Variants in ERBB2 observed in about 807,000 individuals in gnomAD.
ERBB2 encodes receptor tyrosine-protein kinase erbB-2.
ERBB2 carries 61 observed loss-of-function variants against 149.0 expected under a neutral mutation model. That is an observed-to-expected ratio of 0.41 (90% CI 0.33 to 0.51). The LOEUF (loss-of-function observed/expected upper bound fraction) is 0.51, where lower values mean the gene tolerates loss of function less well. Among genes scored for constraint, ERBB2 ranks in the 20% least tolerant of loss-of-function variants. The probability of loss-of-function intolerance (pLI) is 0.25; values close to 1 mark genes in which losing one functional copy is unlikely to be tolerated. For synonymous variants in ERBB2, 633 were observed against 678.8 expected (o/e 0.93, Z 1.05); for missense variants, 1,205 against 1,655.1 (o/e 0.73, Z 4.72).
In ERBB2 at chr17:39,719,683, G is replaced by A. The variant is rs2059343581; in HGVS notation, c.1899-104G>A. 18 of 1,156,790 alleles carry A rather than the reference G, an allele frequency of 1.6e-5. No homozygotes were observed. The East Asian group carries it at 2.8e-4, about 18-fold the overall frequency. The allele number at this position is 1,156,790 out of a possible 1,614,324, so 71.7% of individuals were successfully genotyped here. A position where few individuals can be genotyped will look rare whatever the true frequency, so the allele number is the denominator to read the frequency against. On this transcript the variant is annotated intron_variant, in intron 15 of 26. Coordinates refer to ENST00000269571, the MANE Select transcript of ERBB2 (RefSeq NM_004448.4). ...CCAGTTTCTGCCTTTGTCAAATGGG[G>A]ATAATGACCCAGCCACACCCCTCCC...
Position 39,700,168 on chromosome 17 carries a change from AGCACCCC to A in ERBB2, c.-68_-62del. ...CGCGCGCCCGGCCCCCACCCCTCGC[AGCACCCC>A]GCGCCCCGCGCCCTCCCAGCCGGGT... is the stretch of plus-strand genomic sequence containing the variant. On this transcript the variant is annotated 5_prime_UTR_variant, in exon 1 of 27. Coordinates refer to ENST00000269571, the MANE Select transcript of ERBB2 (RefSeq NM_004448.4). 1.5e-6 allele frequency: 2 copies of A among 1,340,942 alleles called. No homozygotes were observed. The highest frequency in any genetic ancestry group is 9.5e-7 in the Non-Finnish European group (1 of 1,054,090). 83.1% of individuals were successfully genotyped at this position (1,340,942 alleles called of 1,614,324 possible). A position where few individuals can be genotyped will look rare whatever the true frequency, so the allele number is the denominator to read the frequency against.
rs1175779427 is a variant in ERBB2 at position 39,728,652 on chromosome 17, G to C, written c.*608G>C. ...TTTGTCCATTTGCAAATATATTTTGGAAAACAGCTAGGCACCGGCCTATGT... is the reference window on the plus strand; with the variant it reads ...TTTGTCCATTTGCAAATATATTTTGCAAAACAGCTAGGCACCGGCCTATGT... On this transcript the variant is annotated 3_prime_UTR_variant, in exon 27 of 27. Transcript: ENST00000269571. 1.3e-5 allele frequency: 3 copies of C among 232,596 alleles called. No individual in the cohort carries two copies. The highest frequency in any genetic ancestry group is 6.6e-5 in the African/African-American group (3 of 45,234). 14.4% of individuals were successfully genotyped at this position (232,596 alleles called of 1,614,324 possible). A position where few individuals can be genotyped will look rare whatever the true frequency, so the allele number is the denominator to read the frequency against.
intron 19 of ERBB2, 35 bp from the exon 20 acceptor site, chr17:39,724,691 T>A (rs2145844924): frequency 6.3e-7 from 1 of 1,588,668 alleles, no homozygotes. Flanking sequence ...GGGTGTGTGG[T>A]CTCCCATACC....
At chr17:39,719,744 A>G in intron 15 of ERBB2, 43 bp from the exon 16 acceptor site, 3 of 1,604,478 alleles carry the variant, frequency 1.9e-6, no homozygotes, top group Non-Finnish European at 2.6e-6. Flanking sequence ...GGTTCCCAAG[A>G]GGGTGGTTCC....
intron 1 of ERBB2, among the ~76,000 whole-genome samples, chr17:39,702,259 A>C (rs2058154285): frequency 6.6e-6 from 1 of 152,178 alleles, no homozygotes; most frequent in Admixed American, 6.5e-5. Context: ...TGTGATTGCA[A>C]ATGCTCTCCA....
upstream of ERBB2, chr17:39,688,095 T>A: frequency 8.2e-7 from 1 of 1,218,016 alleles, no homozygotes; most frequent in African/African-American, 1.6e-5. Flanking sequence ...AGTTCCTGTG[T>A]TCTTTATTCT....
chr17:39,713,669 C>T (rs1011398452), intron 9 of ERBB2, among the ~76,000 whole-genome samples: 1 of 151,260 alleles, frequency 6.6e-6, no homozygotes, highest in Non-Finnish European at 1.5e-5. Flanking sequence ...AGGAGAATTG[C>T]ATGAACTCGG....
At chr17:39,711,811 G>A (rs2058813422) in intron 7 of ERBB2, 117 bp from the exon 8 acceptor site, 1 of 1,222,396 alleles carries the variant, frequency 8.2e-7, no homozygotes, top group Admixed American at 1.8e-5. Context: ...GCTGATGCGT[G>A]GTAGGGCATT....
rs2145639414 is a variant in ERBB2 at position 39,715,482 on chromosome 17, C to G, written c.1259C>G (p.Pro420Arg). ...ATCTCAGCATGGCCGGACAGCCTGCCTGACCTCAGCGTCTTCCAGAACCTG... is the reference window on the plus strand; with the variant it reads ...ATCTCAGCATGGCCGGACAGCCTGCGTGACCTCAGCGTCTTCCAGAACCTG... ...LYISAWPDSLPDLSVFQNLQV... is the reference protein window; with the variant it reads ...LYISAWPDSLRDLSVFQNLQV... Residue 420 changes from proline (P) to arginine (R), a missense_variant, in exon 11 of 27, where the codon CCT (proline) becomes CGT (arginine). By Grantham distance (103) the Pro-to-Arg change is moderately radical (BLOSUM62 -2). Transcript: ENST00000269571. 1 of 1,614,212 alleles carries G rather than the reference C, an allele frequency of 6.2e-7. No homozygotes were observed. Among genetic ancestry groups the G allele is most frequent in the Non-Finnish European group, 8.5e-7 (1 of 1,180,028 alleles).
intron 1 of ERBB2, chr17:39,688,653 G>T (rs568443443): frequency 6.6e-6 from 1 of 152,452 alleles, no homozygotes. Context: ...CTTCCTGACT[G>T]CCTGGCCTGG....
At chr17:39,691,556 AAT>A (rs1555611662), upstream of ERBB2, among the ~76,000 whole-genome samples, 28 of 84,180 alleles carry the variant, frequency 3.3e-4, no homozygotes, top group Non-Finnish European at 6.0e-4. Context: ...TAAAAAAAAA[AAT>A]ATATATATAT....
At chr17:39,714,936 A>G (rs2059031011) in intron 9 of ERBB2, among the ~76,000 whole-genome samples, 1 of 151,582 alleles carries the variant, frequency 6.6e-6, no homozygotes, top group Non-Finnish European at 1.5e-5. Flanking sequence ...CACCCAGCTA[A>G]TTTTTGTATT....
chr17:39,723,541 G>A lies in ERBB2; in HGVS notation c.2089G>A (p.Val697Met), dbSNP rs2145811711. The A allele has an allele frequency of 6.2e-7, 1 of 1,612,670 alleles. No individual in the cohort carries two copies. The highest frequency in any genetic ancestry group is 8.5e-7 in the Non-Finnish European group (1 of 1,179,424). ...ACCCACCACCCCCTCACCCCAGCTG[G>A]TGGAGCCGCTGACACCTAGCGGAGC... ...MRRLLQETEL[V>M]EPLTPSGAMP... Residue 697 changes from valine to methionine, a missense_variant, in exon 18 of 27, where the codon GTG becomes ATG. Coordinates refer to ENST00000269571, the MANE Select transcript of ERBB2 (RefSeq NM_004448.4). This position sits in a 1 kb window ranked among gnomAD's most constrained non-coding sequence, Gnocchi z 6.2.
chr17:39,689,687 C>A (rs1322891824), intron 2 of ERBB2, among the ~76,000 whole-genome samples: 3 of 152,202 alleles, frequency 2.0e-5, no homozygotes. Flanking sequence ...GGACGGATCA[C>A]CTGAGGTTAG....
Position 39,716,560 on chromosome 17 carries a change from C to T in ERBB2, c.1692C>T (p.His564=), listed in dbSNP as rs2145687684. Reference sequence around the variant, plus strand: ...ATGCCAGGCACTGTTTGCCGTGCCACCCTGAGTGTCAGCCCCAGAATGGCT... The same window carrying T: ...ATGCCAGGCACTGTTTGCCGTGCCATCCTGAGTGTCAGCCCCAGAATGGCT... ...YVNARHCLPC[H]PECQPQNGSV... The change falls in exon 14 of 27, where the codon CAC becomes CAT. Residue 564 remains histidine (H), a synonymous_variant. Coordinates refer to ENST00000269571, the MANE Select transcript of ERBB2 (RefSeq NM_004448.4). 1 of 1,614,152 alleles carries T rather than the reference C, an allele frequency of 6.2e-7. No homozygotes were observed. Among genetic ancestry groups the T allele is most frequent in the East Asian group, 2.2e-5 (1 of 44,886 alleles).
upstream of ERBB2, among the ~76,000 whole-genome samples, chr17:39,691,904 T>TAG (rs1386573320): frequency 5.6e-3 from 639 of 114,446 alleles, 1 homozygote; most frequent in African/African-American, 0.01. Flanking sequence ...GATATAGATA[T>TAG]ATATACATAT....
rs2145444966 is a variant in ERBB2, at chr17:39,708,484, C to T, written c.389C>T (p.Thr130Ile). 1 of 1,614,168 alleles carries T rather than the reference C, an allele frequency of 6.2e-7. No individual in the cohort carries two copies. Among genetic ancestry groups the T allele is most frequent in the Non-Finnish European group, 8.5e-7 (1 of 1,180,016 alleles). The change falls in exon 3 of 27, where the codon ACA (threonine) becomes ATA (isoleucine). Residue 130 changes from threonine (T) to isoleucine (I), a missense_variant. This residue lies in a region of ERBB2 where 569 missense variants were observed against 803.5 expected (regional missense o/e 0.71). Transcript: ENST00000269571. The stretch of plus-strand genomic sequence containing the variant: ...CCGCTGAACAATACCACCCCTGTCA[C>T]AGGGGCCTCCCCAGGAGGCCTGCGG... ...GDPLNNTTPV[T>I]GASPGGLREL...
At chr17:39,693,055 C>G (rs555206093), upstream of ERBB2, among the ~76,000 whole-genome samples, 16 of 152,258 alleles carry the variant, frequency 1.1e-4, no homozygotes, top group African/African-American at 3.9e-4. Flanking sequence ...GAGCAAGTCT[C>G]TGTCTCAAAA....
At position 39,715,293 on chromosome 17, in the gene ERBB2, G is replaced by C. The variant is rs2145630500; in HGVS notation, c.1156G>C (p.Ala386Pro). Residue 386 changes from alanine (A) to proline (P), a missense_variant, in exon 10 of 27, where the codon GCC becomes CCC. Around this residue, in one of 6 missense-constraint regions of ERBB2, gnomAD observed 569 missense variants for 803.5 expected, o/e 0.71. Coordinates refer to ENST00000269571, the MANE Select transcript of ERBB2 (RefSeq NM_004448.4). ...CTCTCCTGACCCCTCCAGGGACCCA[G>C]CCTCCAACACTGCCCCGCTCCAGCC... ...FLPESFDGDP[A>P]SNTAPLQPEQ... 6.2e-7 allele frequency: 1 copy of C among 1,613,966 alleles called. No individual in the cohort carries two copies. The highest frequency in any genetic ancestry group is 8.5e-7 in the Non-Finnish European group (1 of 1,179,912).
Sources: allele counts gnomAD v4.1 joint callset (sites outside exome capture counted in the v4.1 genomes callset), GRCh38; gene constraint gnomAD v4.1.1; regional missense constraint gnomAD v4.1.1; non-coding constraint Gnocchi (gnomAD v3.1); transcripts MANE v1.5; gene names NCBI Gene and HGNC (gene_info 2026-07-23, HGNC 2026-07-21).